The following RPSA2 variants were observed in gnomAD, a reference collection of about 807,000 sequenced individuals.
The protein encoded by RPSA2 is ribosomal protein SA 2, also known as small ribosomal subunit protein uS2B.
chr19:23,850,432 G>T, the RPSA2 span, among the ~76,000 whole-genome samples: 1 of 47,712 alleles, frequency 2.1e-5, no homozygotes. Context: ...AGTGGGATTA[G>T]TTAGAGGGGT....
At chr19:23,774,117 T>C in the RPSA2 span, among the ~76,000 whole-genome samples, 1 of 152,210 alleles carries the variant, frequency 6.6e-6, no homozygotes, top group South Asian at 2.1e-4. Context: ...GACATATCGC[T>C]GGGCCTTGCA....
At chr19:23,854,177 C>T in the RPSA2 span, among the ~76,000 whole-genome samples, 2 of 152,280 alleles carry the variant, frequency 1.3e-5, no homozygotes, top group East Asian at 3.9e-4. Context: ...AATCTCATTA[C>T]AGGAATCAGA....
the RPSA2 span, among the ~76,000 whole-genome samples, chr19:23,785,178 T>C: frequency 6.6e-6 from 1 of 152,360 alleles, no homozygotes; most frequent in Admixed American, 6.5e-5. Context: ...TTGTGACATA[T>C]GGCTGGGCTT....
the RPSA2 span, among the ~76,000 whole-genome samples, chr19:23,792,832 A>G: frequency 6.6e-6 from 1 of 152,096 alleles, no homozygotes; most frequent in African/African-American, 2.4e-5. Flanking sequence ...AAAGATTGCA[A>G]AGATTAGGCA....
the RPSA2 span, among the ~76,000 whole-genome samples, chr19:23,779,885 G>A: frequency 3.3e-5 from 5 of 152,218 alleles, no homozygotes; most frequent in East Asian, 1.9e-4. Flanking sequence ...ATTGTAACAC[G>A]TCACTGGTTG....
the RPSA2 span, among the ~76,000 whole-genome samples, chr19:23,853,191 G>A: frequency 8.5e-5 from 13 of 152,320 alleles, no homozygotes; most frequent in Admixed American, 6.5e-4. Flanking sequence ...TTCACAATAC[G>A]ATTTATGTAA....
At chr19:23,788,164 GCAC>G in the RPSA2 span, among the ~76,000 whole-genome samples, 1 of 152,176 alleles carries the variant, frequency 6.6e-6, no homozygotes, top group Non-Finnish European at 1.5e-5. Context: ...TCTGGGCCCA[GCAC>G]CTATGTGATG....
At chr19:23,805,397 C>T in the RPSA2 span, among the ~76,000 whole-genome samples, 1 of 152,084 alleles carries the variant, frequency 6.6e-6, no homozygotes, top group African/African-American at 2.4e-5. Flanking sequence ...CTCCCTACCT[C>T]AAGTGATCCA....
chr19:23,868,520 AG>A, the RPSA2 span, among the ~76,000 whole-genome samples: 26 of 150,440 alleles, frequency 1.7e-4, no homozygotes, highest in Non-Finnish European at 3.1e-4. Flanking sequence ...ACAAAAAAAA[AG>A]GGTGATTGGA....
the RPSA2 span, among the ~76,000 whole-genome samples, chr19:23,761,933 T>TCCTTCCTTCCTTCC: frequency 7.2e-5 from 3 of 41,908 alleles, no homozygotes; most frequent in Non-Finnish European, 1.5e-4. Flanking sequence ...TTTTTTTTTT[T>TCCTTCCTTCCTTCC]TTGAGATGGA....
At chr19:23,832,204 A>G in the RPSA2 span, 421,745 of 425,858 alleles carry the variant, frequency 0.99, 208,984 homozygotes, top group East Asian at 1. Context: ...GAGGATGCAC[A>G]GAAGAAAGAA....
the RPSA2 span, among the ~76,000 whole-genome samples, chr19:23,812,350 T>C: frequency 0.022 from 3,274 of 151,410 alleles, 130 homozygotes; most frequent in African/African-American, 0.075. Flanking sequence ...TTGTAGCTTA[T>C]CTTGTATATA....
At chr19:23,799,940 C>T in the RPSA2 span, among the ~76,000 whole-genome samples, 1 of 151,672 alleles carries the variant, frequency 6.6e-6, no homozygotes, top group African/African-American at 2.4e-5. Flanking sequence ...TGGTAACCAT[C>T]TTTATGTCTT....
the RPSA2 span, among the ~76,000 whole-genome samples, chr19:23,822,623 C>T: frequency 1.3e-5 from 2 of 152,116 alleles, no homozygotes; most frequent in Admixed American, 6.5e-5. Flanking sequence ...TCTGGAGGGG[C>T]ATCTGCAAAG....
At chr19:23,761,804 G>A in the RPSA2 span, among the ~76,000 whole-genome samples, 1 of 151,694 alleles carries the variant, frequency 6.6e-6, no homozygotes, top group African/African-American at 2.4e-5. Context: ...AAGTCAAACT[G>A]AAATGCAGCG....
chr19:23,866,456 A>G, the RPSA2 span, among the ~76,000 whole-genome samples: 248 of 152,118 alleles, frequency 1.6e-3, no homozygotes, highest in Non-Finnish European at 3.2e-3. Flanking sequence ...AAAACTGGAC[A>G]TTTTAAAAAG....
chr19:23,785,845 T>A, the RPSA2 span, among the ~76,000 whole-genome samples: 1 of 152,138 alleles, frequency 6.6e-6, no homozygotes, highest in African/African-American at 2.4e-5. Flanking sequence ...AGGGTAATGA[T>A]TAAGATCCTC....
the RPSA2 span, among the ~76,000 whole-genome samples, chr19:23,812,778 A>G: frequency 6.6e-6 from 1 of 152,178 alleles, no homozygotes; most frequent in Non-Finnish European, 1.5e-5. Flanking sequence ...TCATGTGTTT[A>G]ATGATGAATA....
the RPSA2 span, among the ~76,000 whole-genome samples, chr19:23,803,397 TA>T: frequency 2.3e-4 from 35 of 151,452 alleles, no homozygotes; most frequent in East Asian, 7.7e-4. Context: ...GGGTCTTAAT[TA>T]AAAAAATTTT....
Sources: allele counts gnomAD v4.1 joint callset (sites outside exome capture counted in the v4.1 genomes callset), GRCh38; gene constraint gnomAD v4.1.1; transcripts MANE v1.5; gene names NCBI Gene and HGNC (gene_info 2026-07-23, HGNC 2026-07-21).